The following SLC25A36 variants were observed in gnomAD, a reference collection of about 807,000 sequenced individuals.
The protein encoded by SLC25A36 is epididymis secretory sperm binding protein.
Under a neutral mutation model 35.3 loss-of-function variants are expected in SLC25A36, and 24 were observed. The observed-to-expected ratio is 0.68, with a 90% CI of 0.49 to 0.96. The LOEUF is 0.96. SLC25A36 is among the 40% of genes least tolerant of loss of function. The pLI, the probability that SLC25A36 is intolerant of heterozygous loss-of-function variation, is 0.00. For missense variants in SLC25A36, 294 were observed against 381.1 expected, an observed-to-expected ratio of 0.77 and a Z score of 1.90; for synonymous variants, 141 against 132.2, an observed-to-expected ratio of 1.07 and a Z score of -0.46.
chr3:140,968,070 G>A (rs1934808138), intron 4 of SLC25A36: 2 of 984,868 alleles, frequency 2.0e-6, no homozygotes, highest in Non-Finnish European at 2.4e-6. Context: ...GTTTAGCTTG[G>A]GCTAACCTCA....
intron 5 of SLC25A36, chr3:140,972,808 T>G (rs1418249683): frequency 1.3e-5 from 2 of 152,146 alleles, no homozygotes; most frequent in Non-Finnish European, 2.9e-5. Flanking sequence ...ATAAAACTGG[T>G]GGAATCTGTA....
intron 6 of SLC25A36, among the ~76,000 whole-genome samples, 184 bp downstream of exon 6, chr3:140,974,189 A>G (rs953383165): frequency 5.9e-5 from 9 of 152,172 alleles, no homozygotes; most frequent in Non-Finnish European, 1.3e-4. Flanking sequence ...ATGCTATCAA[A>G]TAGCATGGTG....
At chr3:140,953,733 G>A (rs912615510) in intron 1 of SLC25A36, among the ~76,000 whole-genome samples, 1 of 152,118 alleles carries the variant, frequency 6.6e-6, no homozygotes, top group Non-Finnish European at 1.5e-5. Context: ...GAAGTGGGAG[G>A]ATTCCTTGAG....
At chr3:140,953,700 T>C (rs1011858856) in intron 1 of SLC25A36, among the ~76,000 whole-genome samples, 1 of 152,200 alleles carries the variant, frequency 6.6e-6, no homozygotes, top group African/African-American at 2.4e-5. Context: ...TTCATGCTTA[T>C]AATCCCCGTA....
At chr3:140,945,270 G>A (rs1468043143) in intron 1 of SLC25A36, among the ~76,000 whole-genome samples, 1 of 152,186 alleles carries the variant, frequency 6.6e-6, no homozygotes, top group Non-Finnish European at 1.5e-5. Context: ...CACCTTGAAA[G>A]CGTCTACCTC....
At chr3:140,948,517 A>G (rs975707311) in intron 1 of SLC25A36, among the ~76,000 whole-genome samples, 2 of 152,114 alleles carry the variant, frequency 1.3e-5, no homozygotes, top group Non-Finnish European at 2.9e-5. Flanking sequence ...TAATGCCCTA[A>G]GTAGAGTATC....
In SLC25A36 at chr3:140,978,728, A is replaced by G. The variant is rs1935115671; in HGVS notation, c.*2275A>G. The G allele has an allele frequency of 6.6e-6, 1 of 152,188 alleles. No homozygotes were observed. Among genetic ancestry groups the G allele is most frequent in the South Asian group, 2.1e-4 (1 of 4,828 alleles). The allele number at this position is 152,188 out of a possible 1,614,324, so 9.4% of individuals were successfully genotyped here. ...TTGGACATTGTTTATTTGTGCAACAACTAGAAAGGAGCAATGAAGTTTATT... is the reference window on the plus strand; with the variant it reads ...TTGGACATTGTTTATTTGTGCAACAGCTAGAAAGGAGCAATGAAGTTTATT... On this transcript the variant is annotated 3_prime_UTR_variant, in exon 7 of 7. Transcript: ENST00000324194.
chr3:140,951,706 G>A (rs1212796807), intron 1 of SLC25A36, among the ~76,000 whole-genome samples: 1 of 152,048 alleles, frequency 6.6e-6, no homozygotes, highest in Non-Finnish European at 1.5e-5. Flanking sequence ...TGTTGGCCAG[G>A]CTGGTCTTGA....
chr3:140,960,030 TAATG>T (rs923856441), intron 3 of SLC25A36, among the ~76,000 whole-genome samples: 3 of 152,078 alleles, frequency 2.0e-5, no homozygotes, highest in Admixed American at 6.5e-5. Context: ...AAGTTGAAAA[TAATG>T]AATATATTAT....
At position 140,980,220 on chromosome 3, in the gene SLC25A36, T is replaced by C. The variant is rs990363784; in HGVS notation, c.*3767T>C. On this transcript the variant is annotated 3_prime_UTR_variant, in exon 7 of 7. Coordinates refer to ENST00000324194, the MANE Select transcript of SLC25A36 (RefSeq NM_001104647.3). Reference sequence around the variant, plus strand: ...ACTTTTATCCAACACTTTTCATGTTTTAATTTCAGCCTTTGTGAAAGTTGA... The same window carrying C: ...ACTTTTATCCAACACTTTTCATGTTCTAATTTCAGCCTTTGTGAAAGTTGA... 2.7e-5 allele frequency among the ~76,000 whole-genome samples: 4 copies of C among 150,940 alleles called. No individual in the cohort carries two copies. The highest frequency in any genetic ancestry group is 4.4e-5 in the Non-Finnish European group (3 of 67,964).
At position 140,976,391 on chromosome 3, in the gene SLC25A36, A is replaced by T; in HGVS notation, c.874A>T (p.Ile292Phe). ...RGLTTHLVRQ[I>F]PNTAIMMATY... is the part of the protein sequence containing the mutation. ...TCTGACAACTCATCTAGTGAGACAG[A>T]TTCCAAACACAGCCATTATGATGGC... is the stretch of plus-strand genomic sequence containing the variant. Residue 292 changes from isoleucine to phenylalanine, a missense_variant, in exon 7 of 7, where the codon ATT becomes TTT. By Grantham distance (21) the Ile-to-Phe change is conservative (BLOSUM62 0). Transcript: ENST00000324194. 1 of 1,613,866 alleles carries T rather than the reference A, an allele frequency of 6.2e-7. No individual in the cohort carries two copies. Among genetic ancestry groups the T allele is most frequent in the Non-Finnish European group, 8.5e-7 (1 of 1,179,920 alleles).
intron 1 of SLC25A36, among the ~76,000 whole-genome samples, chr3:140,946,287 G>A (rs1294000785): frequency 6.6e-6 from 1 of 152,180 alleles, no homozygotes; most frequent in African/African-American, 2.4e-5. Flanking sequence ...ACTTGGAAGG[G>A]AGAGAATTAG....
rs944734917 is a variant in SLC25A36 at position 140,978,316 on chromosome 3, C to T, written c.*1863C>T. ...CAGCTTTGACATGTATTATGAGGAA[C>T]GTACCAAAAACCGGTTTGTAACAAA... On this transcript the variant is annotated 3_prime_UTR_variant, in exon 7 of 7. Coordinates refer to ENST00000324194, the MANE Select transcript of SLC25A36 (RefSeq NM_001104647.3). 2 of 152,120 alleles carry T rather than the reference C, an allele frequency of 1.3e-5. No homozygotes were observed. The highest frequency in any genetic ancestry group is 1.9e-4 in the East Asian group (1 of 5,198). The allele number at this position is 152,120 out of a possible 1,614,324, so 9.4% of individuals were successfully genotyped here.
chr3:140,969,882 A>G (rs1934857855), intron 4 of SLC25A36, among the ~76,000 whole-genome samples: 1 of 151,956 alleles, frequency 6.6e-6, no homozygotes, highest in Admixed American at 6.6e-5. Context: ...CTAGTATTTG[A>G]TAGAAATATT....
At chr3:140,958,261 C>T (rs1205850206) in intron 2 of SLC25A36, among the ~76,000 whole-genome samples, 1 of 152,132 alleles carries the variant, frequency 6.6e-6, no homozygotes, top group African/African-American at 2.4e-5. Context: ...ATTAAAATAC[C>T]TACTCTTCAG....
chr3:140,967,480 G>T (rs1364368270), intron 4 of SLC25A36, among the ~76,000 whole-genome samples: 1 of 151,784 alleles, frequency 6.6e-6, no homozygotes, highest in Non-Finnish European at 1.5e-5. Context: ...GCAAATAAAT[G>T]CAGGATAAGA....
In SLC25A36 at chr3:140,942,047, G is replaced by A; in HGVS notation, c.-8G>A. 6.8e-7 allele frequency: 1 copy of A among 1,478,252 alleles called. No individual in the cohort carries two copies. Among genetic ancestry groups the A allele is most frequent in the Non-Finnish European group, 9.1e-7 (1 of 1,093,138 alleles). The allele number at this position is 1,478,252 out of a possible 1,614,324, so 91.6% of individuals were successfully genotyped here. ...GCCTCAGCGGCCGGAGGACATGCGG[G>A]AGAGAGAATGAGCCAGAGGGACACG... On this transcript the variant is annotated 5_prime_UTR_variant, in exon 1 of 7. Transcript: ENST00000324194.
chr3:140,973,970 C>A lies in SLC25A36; in HGVS notation c.707C>A (p.Ser236Ter). Reference protein sequence around the residue: ...FVGMMLAAATSKTCATTIAYP... With the variant: ...FVGMMLAAAT ...GGAATGATGCTAGCTGCTGCCACCTCAAAAACTTGTGCCACAACTATAGCA... is the reference window on the plus strand; with the variant it reads ...GGAATGATGCTAGCTGCTGCCACCTAAAAAACTTGTGCCACAACTATAGCA... Residue 236 changes from serine (S) to a stop codon, truncating the protein, a stop_gained, in exon 6 of 7, where the codon TCA becomes TAA. Transcript: ENST00000324194. LOFTEE classifies it high-confidence loss of function. The A allele has an allele frequency of 6.3e-7, 1 of 1,585,426 alleles. No homozygotes were observed. Among genetic ancestry groups the A allele is most frequent in the Non-Finnish European group, 8.6e-7 (1 of 1,162,608 alleles).
chr3:140,949,484 T>G (rs1169014592), intron 1 of SLC25A36, among the ~76,000 whole-genome samples: 1 of 152,238 alleles, frequency 6.6e-6, no homozygotes, highest in African/African-American at 2.4e-5. Flanking sequence ...TACATAGCTA[T>G]GTGATTATTT....
Sources: gnomAD v4.1 joint callset for allele counts (sites outside exome capture counted in the v4.1 genomes callset) on GRCh38, gnomAD v4.1.1 for gene constraint, MANE v1.5 for transcripts, NCBI Gene and HGNC (gene_info 2026-07-23, HGNC 2026-07-21) for gene names.